FGGY: variants seen among roughly 807,000 people sequenced by gnomAD.
FGGY encodes FGGY carbohydrate kinase domain containing.
A neutral mutation model predicts 71.3 loss-of-function variants in FGGY; 72 were observed. That is an observed-to-expected ratio of 1.01 (90% CI 0.84 to 1.23). FGGY has a LOEUF of 1.23. Among genes scored for constraint, FGGY ranks in the 50% most tolerant of loss-of-function variants. FGGY has a pLI of 0.00. For missense variants in FGGY, 668 were observed against 682.3 expected, an observed-to-expected ratio of 0.98 and a Z score of 0.23; for synonymous variants, 251 against 250.3, an observed-to-expected ratio of 1.00 and a Z score of -0.02.
At chr1:59,693,636 GAGAAGGAGAAGA>G (rs1174430677) in intron 14 of FGGY, among the ~76,000 whole-genome samples, 1 of 152,144 alleles carries the variant, frequency 6.6e-6, no homozygotes, top group African/African-American at 2.4e-5. Context: ...AGTGGTGGTG[GAGAAGGAGAAGA>G]GGAAGGAGAA....
chr1:59,401,487 A>G (rs2061962411), intron 5 of FGGY, among the ~76,000 whole-genome samples: 1 of 152,232 alleles, frequency 6.6e-6, no homozygotes, highest in Non-Finnish European at 1.5e-5. Flanking sequence ...GACAGACCAA[A>G]GACGAAACTG....
chr1:59,338,007 C>CAGGT (rs1295000605), intron 2 of FGGY, among the ~76,000 whole-genome samples: 1 of 152,128 alleles, frequency 6.6e-6, no homozygotes, highest in East Asian at 1.9e-4. Flanking sequence ...TGCTCCTTAT[C>CAGGT]AGGTTGTAGA....
At chr1:59,697,764 G>GCATGCAATTCTGTTT in intron 14 of FGGY, 1 of 1,219,514 alleles carries the variant, frequency 8.2e-7, no homozygotes, top group Non-Finnish European at 1.1e-6. Flanking sequence ...GAGGTAAACA[G>GCATGCAATTCTGTTT]AATTGCATGC....
intron 2 of FGGY, among the ~76,000 whole-genome samples, chr1:59,329,245 C>T (rs1017301373): frequency 6.6e-6 from 1 of 152,074 alleles, no homozygotes; most frequent in Admixed American, 6.6e-5. Flanking sequence ...TTTTTGATTC[C>T]CCAGCATACA....
chr1:59,743,771 A>T (rs1056968771), intron 14 of FGGY, among the ~76,000 whole-genome samples: 4 of 152,220 alleles, frequency 2.6e-5, no homozygotes, highest in Admixed American at 2.6e-4. Flanking sequence ...TGGAAGTACA[A>T]CCCAAAAATA....
chr1:59,545,965 T>C lies in FGGY; in HGVS notation c.800-8159T>C, dbSNP rs2095513598. Among the ~76,000 whole-genome samples the C allele has an allele frequency of 3.3e-5, 5 of 152,230 alleles. No homozygotes were observed. The South Asian group carries it at 1.0e-3, about 31-fold the overall frequency. ...TATTCCTTTGGGCCCGCAATTATTTTGTCATCAGTTGTATAGTCAAGGACA... is the reference window on the plus strand; with the variant it reads ...TATTCCTTTGGGCCCGCAATTATTTCGTCATCAGTTGTATAGTCAAGGACA... On this transcript the variant is annotated intron_variant, in intron 7 of 15. Transcript: ENST00000303721.
chr1:59,559,471 T>C (rs961787555), intron 8 of FGGY, among the ~76,000 whole-genome samples: 4 of 152,236 alleles, frequency 2.6e-5, no homozygotes, highest in African/African-American at 9.6e-5. Flanking sequence ...GTTATGGATA[T>C]ATATACATAT....
At chr1:59,299,131 C>T (rs957790685) in intron 1 of FGGY, among the ~76,000 whole-genome samples, 11 of 152,088 alleles carry the variant, frequency 7.2e-5, no homozygotes, top group African/African-American at 2.2e-4. Context: ...GAGGACTTCC[C>T]AGAAGGGAAT....
At chr1:59,593,596 C>A (rs1266679104) in intron 8 of FGGY, among the ~76,000 whole-genome samples, 1 of 152,196 alleles carries the variant, frequency 6.6e-6, no homozygotes, top group African/African-American at 2.4e-5. Flanking sequence ...GCCAATCCAG[C>A]ATTTGTGATT....
rs939159253 is a variant in FGGY at position 59,535,346 on chromosome 1, C to A, written c.800-18778C>A. 2.0e-5 allele frequency among the ~76,000 whole-genome samples: 3 copies of A among 152,224 alleles called. No homozygotes were observed. In the East Asian group the frequency reaches 5.8e-4, roughly 29 times the overall value. The stretch of plus-strand genomic sequence containing the variant: ...GATTCATAAAGCAAGTCCTGAGTGA[C>A]CTACAAAGAGACTTAGACTCCCACA... On this transcript the variant is annotated intron_variant, in intron 7 of 15. Coordinates refer to ENST00000303721, the MANE Select transcript of FGGY (RefSeq NM_018291.5).
At position 59,638,377 on chromosome 1, in the gene FGGY, T is replaced by G. The variant is rs41287704; in HGVS notation, c.1221+2T>G. On this transcript the variant is annotated splice_donor_variant, in intron 11 of 15. Coordinates refer to ENST00000303721, the MANE Select transcript of FGGY (RefSeq NM_018291.5). LOFTEE classifies it high-confidence loss of function. ...GCAGATCTGACACTAAAGGGCATGG[T>G]AAGTAACAGCTAGTCCTTGCACATG... The G allele has an allele frequency of 6.2e-7, 1 of 1,614,126 alleles. No homozygotes were observed. The highest frequency in any genetic ancestry group is 1.3e-5 in the African/African-American group (1 of 75,028).
At chr1:59,531,671 A>G (rs1229158302) in intron 7 of FGGY, among the ~76,000 whole-genome samples, 2 of 152,226 alleles carry the variant, frequency 1.3e-5, no homozygotes, top group Non-Finnish European at 2.9e-5. Flanking sequence ...CTCAGAGGCC[A>G]AGAAGCTAAA....
intron 14 of FGGY, among the ~76,000 whole-genome samples, chr1:59,689,007 C>T (rs2097568001): frequency 6.6e-6 from 1 of 152,186 alleles, no homozygotes; most frequent in Non-Finnish European, 1.5e-5. Context: ...ACCTCGGCCT[C>T]CCAAAGTGCT....
chr1:59,399,375 A>G (rs835416), intron 5 of FGGY, among the ~76,000 whole-genome samples: 2,165 of 152,296 alleles, frequency 0.014, 59 homozygotes, highest in African/African-American at 0.05. Context: ...ATAAGTGATT[A>G]TTTATCACTT....
chr1:59,559,753 A>T lies in FGGY; in HGVS notation c.903+5526A>T, dbSNP rs138024395. ...GATGAGAATATGTCACAGGGAGCCAACTGTGGGAGCTCCCACTAGCCAAAA... is the reference window on the plus strand; with the variant it reads ...GATGAGAATATGTCACAGGGAGCCATCTGTGGGAGCTCCCACTAGCCAAAA... On this transcript the variant is annotated intron_variant, in intron 8 of 15. Transcript: ENST00000303721. Among the ~76,000 whole-genome samples the T allele has an allele frequency of 5.3e-5, 8 of 152,344 alleles. No individual in the cohort carries two copies. The East Asian group carries it at 1.5e-3, about 29-fold the overall frequency.
rs181958826 is a variant in FGGY, at chr1:59,537,524, A to G, written c.800-16600A>G. On this transcript the variant is annotated intron_variant, in intron 7 of 15. Coordinates refer to ENST00000303721, the MANE Select transcript of FGGY (RefSeq NM_018291.5). ...TTAAACTTCATATGGAACCAAAAAG[A>G]GCCCGCATCACCAAGTCAATCCTAA... Among the ~76,000 whole-genome samples the G allele has an allele frequency of 1.1e-4, 16 of 152,346 alleles. No individual in the cohort carries two copies. The East Asian group carries it at 2.5e-3, about 24-fold the overall frequency.
intron 4 of FGGY, among the ~76,000 whole-genome samples, chr1:59,351,064 A>T (rs888988116): frequency 6.6e-6 from 1 of 152,246 alleles, no homozygotes; most frequent in Admixed American, 6.5e-5. Flanking sequence ...AATCAAAAGG[A>T]TGATATTTTG....
chr1:59,385,329 T>C (rs1232574177), intron 5 of FGGY, among the ~76,000 whole-genome samples: 1 of 152,222 alleles, frequency 6.6e-6, no homozygotes, highest in Non-Finnish European at 1.5e-5. Context: ...CTTTTTCTTA[T>C]ATTAATGAAA....
chr1:59,399,982 G>A (rs1472661454), intron 5 of FGGY, among the ~76,000 whole-genome samples: 2 of 152,168 alleles, frequency 1.3e-5, no homozygotes, highest in Non-Finnish European at 2.9e-5. Flanking sequence ...TTGCTTTTCT[G>A]TTCTCAAAGT....
Sources: gnomAD v4.1 joint callset for allele counts (sites outside exome capture counted in the v4.1 genomes callset) on GRCh38, gnomAD v4.1.1 for gene constraint, MANE v1.5 for transcripts, NCBI Gene and HGNC (gene_info 2026-07-23, HGNC 2026-07-21) for gene names.